TAX1BP1: variants seen among roughly 807,000 people sequenced by gnomAD.
TAX1BP1 encodes Tax1 binding protein 1.
In TAX1BP1, 62 loss-of-function variants were observed where a neutral mutation model predicts 97.7. That is an observed-to-expected ratio of 0.63 (90% CI 0.52 to 0.78). TAX1BP1 has a LOEUF of 0.78. Ranked by LOEUF, TAX1BP1 falls within the 30% of genes least tolerant of loss-of-function variation. The pLI is 0.00. For missense variants in TAX1BP1, 867 were observed against 916.1 expected (o/e 0.95, Z 0.69); for synonymous variants, 340 against 304.2 (o/e 1.12, Z -1.23).
intron 5 of TAX1BP1, among the ~76,000 whole-genome samples, chr7:27,780,776 A>G (rs1789224178): frequency 6.6e-6 from 1 of 152,108 alleles, no homozygotes; most frequent in African/African-American, 2.4e-5. Context: ...TTAATTTTGT[A>G]CCTGCTTTAC....
chr7:27,772,800 A>T (rs1421668932), intron 5 of TAX1BP1, among the ~76,000 whole-genome samples: 1 of 152,062 alleles, frequency 6.6e-6, no homozygotes, highest in Non-Finnish European at 1.5e-5. Flanking sequence ...ATAAACTAGG[A>T]TTACAAAGTA....
chr7:27,741,574 C>T lies in TAX1BP1; in HGVS notation c.-8+1305C>T, dbSNP rs558058270. 2.0e-5 allele frequency among the ~76,000 whole-genome samples: 3 copies of T among 151,324 alleles called. No individual in the cohort carries two copies. The East Asian group carries it at 5.8e-4, about 29-fold the overall frequency. ...GGAGTGCAGTGGCGCGATCGCGGCT[C>T]ATTGCAACCTCCGCCTCCCAGGTTC... On this transcript the variant is annotated intron_variant, in intron 1 of 16. Coordinates refer to ENST00000396319, the MANE Select transcript of TAX1BP1 (RefSeq NM_006024.7).
At chr7:27,756,496 A>G (rs988691183) in intron 2 of TAX1BP1, among the ~76,000 whole-genome samples, 2 of 152,156 alleles carry the variant, frequency 1.3e-5, no homozygotes, top group African/African-American at 4.8e-5. Flanking sequence ...ACTGTGCTAA[A>G]TACAGGGATG....
chr7:27,748,097 A>T (rs1787892540), intron 1 of TAX1BP1, among the ~76,000 whole-genome samples: 1 of 152,130 alleles, frequency 6.6e-6, no homozygotes, highest in Non-Finnish European at 1.5e-5. Context: ...TAATTGACCC[A>T]TAGCCAGTAA....
chr7:27,792,266 TAAG>T, intron 9 of TAX1BP1, 36 bp downstream of exon 9: 1 of 1,525,740 alleles, frequency 6.6e-7, no homozygotes, highest in Non-Finnish European at 8.9e-7. Context: ...CATTTTGATT[TAAG>T]AAACCACTAT....
intron 9 of TAX1BP1, among the ~76,000 whole-genome samples, 196 bp from the exon 10 acceptor site, chr7:27,792,868 CAA>C (rs1789773420): frequency 6.6e-6 from 1 of 151,906 alleles, no homozygotes; most frequent in South Asian, 2.1e-4. Flanking sequence ...AAGGCTGAGA[CAA>C]GAGGATTGCT....
chr7:27,801,016 A>C (rs1003121507), intron 13 of TAX1BP1, among the ~76,000 whole-genome samples: 1 of 151,474 alleles, frequency 6.6e-6, no homozygotes, highest in Non-Finnish European at 1.5e-5. Flanking sequence ...AGGCAGGAGA[A>C]TCGCTTGAAC....
intron 5 of TAX1BP1, among the ~76,000 whole-genome samples, chr7:27,770,886 C>T (rs913168511): frequency 2.6e-5 from 4 of 152,082 alleles, no homozygotes; most frequent in Admixed American, 6.6e-5. Flanking sequence ...TCTTTTCTAT[C>T]GTTAGCCTTT....
At chr7:27,791,472 A>C (rs1370759533) in intron 8 of TAX1BP1, among the ~76,000 whole-genome samples, 1 of 152,132 alleles carries the variant, frequency 6.6e-6, no homozygotes, top group Non-Finnish European at 1.5e-5. Context: ...CGTCTTTACT[A>C]TTTGTATATC....
In TAX1BP1 at chr7:27,796,194, A is replaced by T. The variant is rs755823071; in HGVS notation, c.1613A>T (p.Tyr538Phe). Residue 538 changes from tyrosine (Y) to phenylalanine (F), a missense_variant, in exon 12 of 17, where the codon TAT becomes TTT. Around this residue, in one of 3 missense-constraint regions of TAX1BP1, gnomAD observed 822 missense variants for 851.4 expected, o/e 0.97. Coordinates refer to ENST00000396319, the MANE Select transcript of TAX1BP1 (RefSeq NM_006024.7). ...GAAATTGCTGACAAAACAGAAAAGT[A>T]TAATAAATGTAAACAACTCTTGCAG... is the stretch of plus-strand genomic sequence containing the variant. ...TKEIADKTEK[Y>F]NKCKQLLQDE... The T allele has an allele frequency of 6.3e-7, 1 of 1,589,836 alleles. No homozygotes were observed. Among genetic ancestry groups the T allele is most frequent in the Non-Finnish European group, 8.5e-7 (1 of 1,173,422 alleles).
Position 27,794,441 on chromosome 7 carries a change from C to A in TAX1BP1, c.1529C>A (p.Ser510Tyr), listed in dbSNP as rs1374251003. The part of the protein sequence containing the change: ...ASTVDVKPSP[S>Y]AAEADFDIVT... The stretch of plus-strand genomic sequence containing the variant: ...ACTGTAGATGTAAAGCCATCACCTT[C>A]TGCAGGTAAAAATCTTTTAGACTTT... Residue 510 changes from serine (S) to tyrosine (Y), a missense_variant, in exon 11 of 17, where the codon TCT becomes TAT. Physicochemically the swap from Ser to Tyr is moderately radical, Grantham distance 144 (BLOSUM62 -2). Around this residue, in one of 3 missense-constraint regions of TAX1BP1, gnomAD observed 822 missense variants for 851.4 expected, o/e 0.97. Transcript: ENST00000396319. The A allele has an allele frequency of 6.2e-7, 1 of 1,603,002 alleles. No homozygotes were observed. Among genetic ancestry groups the A allele is most frequent in the East Asian group, 2.2e-5 (1 of 44,678 alleles).
rs752765495 is a variant in TAX1BP1 at position 27,785,386 on chromosome 7, A to C, written c.762-13A>C. Reference sequence around the variant, plus strand: ...TAAAACATTATAATGTTACTTTATCATACCTATCTTAGTTTAAAGGACAAA... The same window carrying C: ...TAAAACATTATAATGTTACTTTATCCTACCTATCTTAGTTTAAAGGACAAA... On this transcript the variant is annotated splice_polypyrimidine_tract_variant and intron_variant, in intron 6 of 16. Transcript: ENST00000396319. The C allele has an allele frequency of 1.6e-5, 25 of 1,604,644 alleles. No individual in the cohort carries two copies. The highest frequency in any genetic ancestry group is 3.4e-5 in the Admixed American group (2 of 58,098).
intron 1 of TAX1BP1, among the ~76,000 whole-genome samples, chr7:27,740,686 G>A (rs144762363): frequency 0.012 from 1,829 of 152,304 alleles, 27 homozygotes; most frequent in Middle Eastern, 0.024. Context: ...GGGTTTTACC[G>A]GCGCAGTAAG....
intron 13 of TAX1BP1, among the ~76,000 whole-genome samples, chr7:27,807,571 A>G (rs73075325): frequency 0.077 from 11,763 of 152,230 alleles, 656 homozygotes; most frequent in Middle Eastern, 0.12. Context: ...TAGAATTTAA[A>G]TATCCTTCTC....
chr7:27,741,085 T>TAG (rs1434996348), intron 1 of TAX1BP1, among the ~76,000 whole-genome samples: 2 of 152,260 alleles, frequency 1.3e-5, no homozygotes, highest in Non-Finnish European at 2.9e-5. Context: ...CATTTGACTT[T>TAG]AGACATACAC....
chr7:27,788,351 C>T (rs374711626), intron 8 of TAX1BP1, among the ~76,000 whole-genome samples: 1 of 151,898 alleles, frequency 6.6e-6, no homozygotes, highest in East Asian at 1.9e-4. Context: ...ATATAGGTGC[C>T]TTTCTTTTCT....
intron 5 of TAX1BP1, among the ~76,000 whole-genome samples, chr7:27,776,195 G>A (rs1789027281): frequency 1.3e-5 from 2 of 152,082 alleles, no homozygotes; most frequent in African/African-American, 2.4e-5. Context: ...GAGTACTTAA[G>A]TATTCTTCAG....
At chr7:27,815,327 T>G (rs1169171702) in intron 13 of TAX1BP1, among the ~76,000 whole-genome samples, 2 of 152,062 alleles carry the variant, frequency 1.3e-5, no homozygotes, top group Admixed American at 1.3e-4. Flanking sequence ...TTTCTGAGAT[T>G]TAAAAAAAAT....
intron 2 of TAX1BP1, 140 bp downstream of exon 2, chr7:27,748,826 GGGGA>G: frequency 1.8e-6 from 1 of 554,444 alleles, no homozygotes; most frequent in Non-Finnish European, 2.8e-6. Flanking sequence ...ATTTAACAGT[GGGGA>G]GTAGATAAAA....
Sources: allele counts gnomAD v4.1 joint callset (sites outside exome capture counted in the v4.1 genomes callset), GRCh38; gene constraint gnomAD v4.1.1; regional missense constraint gnomAD v4.1.1; transcripts MANE v1.5; gene names NCBI Gene and HGNC (gene_info 2026-07-23, HGNC 2026-07-21).